Variants in ADAMTS16 observed in about 807,000 individuals in gnomAD.
ADAMTS16 encodes the protein A disintegrin and metalloproteinase with thrombospondin motifs 16.
Under a neutral mutation model 145.8 loss-of-function variants are expected in ADAMTS16, and 94 were observed. That is an observed-to-expected ratio of 0.64 (90% CI 0.55 to 0.77). The LOEUF (loss-of-function observed/expected upper bound fraction) is 0.77. ADAMTS16 is among the 30% of genes least tolerant of loss of function. ADAMTS16 has a pLI of 0.00. For missense variants in ADAMTS16, 1,585 were observed against 1,591.5 expected (o/e 1.00, Z 0.07); for synonymous variants, 659 against 604.3 (o/e 1.09, Z -1.33).
At chr5:5,247,284 G>T (rs187913105) in intron 17 of ADAMTS16, among the ~76,000 whole-genome samples, 21 of 152,212 alleles carry the variant, frequency 1.4e-4, no homozygotes, top group African/African-American at 4.6e-4. Context: ...CCTTTGAGCT[G>T]ATCTACTAAA....
intron 5 of ADAMTS16, 65 bp from the exon 6 acceptor site, chr5:5,187,660 C>T: frequency 9.4e-7 from 1 of 1,060,884 alleles, no homozygotes; most frequent in Non-Finnish European, 1.5e-6. Context: ...GGATTCTAGG[C>T]CCGCTAGTAA....
intron 9 of ADAMTS16, among the ~76,000 whole-genome samples, chr5:5,204,042 A>G (rs1736025407): frequency 6.6e-6 from 1 of 152,176 alleles, no homozygotes; most frequent in Non-Finnish European, 1.5e-5. Flanking sequence ...CTGCAGTGCC[A>G]GGGTGACTCT....
intron 20 of ADAMTS16, among the ~76,000 whole-genome samples, chr5:5,304,151 G>A (rs1739920871): frequency 6.6e-6 from 1 of 152,234 alleles, no homozygotes; most frequent in South Asian, 2.1e-4. Flanking sequence ...TGAAGAGCAG[G>A]AAGAACATGC....
At chr5:5,253,385 C>T (rs4360005) in intron 17 of ADAMTS16, among the ~76,000 whole-genome samples, 4,663 of 152,218 alleles carry the variant, frequency 0.031, 176 homozygotes, top group East Asian at 0.16. Context: ...CTTTTGTGTC[C>T]TTGATCAGCC....
intron 18 of ADAMTS16, among the ~76,000 whole-genome samples, chr5:5,277,977 G>A (rs1738766518): frequency 6.6e-6 from 1 of 151,634 alleles, no homozygotes; most frequent in Non-Finnish European, 1.5e-5. Context: ...ACAAGACTCT[G>A]TCTTAAAAAA....
intron 18 of ADAMTS16, among the ~76,000 whole-genome samples, chr5:5,293,107 C>T (rs1739397075): frequency 1.3e-5 from 2 of 152,212 alleles, no homozygotes; most frequent in African/African-American, 2.4e-5. Flanking sequence ...CATTTCCTGG[C>T]CTGGGTGCAG....
At chr5:5,160,552 T>A (rs978762149) in intron 3 of ADAMTS16, among the ~76,000 whole-genome samples, 2 of 152,116 alleles carry the variant, frequency 1.3e-5, no homozygotes, top group African/African-American at 4.8e-5. Context: ...GCCCACGTAT[T>A]TGAAATAGAC....
chr5:5,286,109 G>T (rs1247127914), intron 18 of ADAMTS16, among the ~76,000 whole-genome samples: 1 of 152,162 alleles, frequency 6.6e-6, no homozygotes, highest in African/African-American at 2.4e-5. Context: ...TGGGTTGGCT[G>T]CTTTCCCATT....
rs1396575534 is a variant in ADAMTS16, at chr5:5,210,257, T to C, written c.1605+1011T>C. ...TGGACATAAAACTAATGGGTTTTTT[T>C]CAAAGATAGGATCTTCTAGATTGTG... is the stretch of plus-strand genomic sequence containing the variant. On this transcript the variant is annotated intron_variant, in intron 10 of 22. Coordinates refer to ENST00000274181, the MANE Select transcript of ADAMTS16 (RefSeq NM_139056.4). 2.0e-5 allele frequency among the ~76,000 whole-genome samples: 3 copies of C among 152,220 alleles called. No individual in the cohort carries two copies. In the East Asian group the frequency reaches 5.8e-4, roughly 29 times the overall value.
chr5:5,247,804 G>A (rs1467469045), intron 17 of ADAMTS16, among the ~76,000 whole-genome samples: 3 of 152,262 alleles, frequency 2.0e-5, no homozygotes, highest in Non-Finnish European at 4.4e-5. Context: ...AGTGAAGCCA[G>A]CCCCTGTGAA....
At chr5:5,189,870 A>G (rs1735609958) in intron 6 of ADAMTS16, 101 bp from the exon 7 acceptor site, 1 of 1,433,506 alleles carries the variant, frequency 7.0e-7, no homozygotes, top group Non-Finnish European at 9.6e-7. Flanking sequence ...CCAGCCATGT[A>G]TTTGAAATCC....
intron 10 of ADAMTS16, among the ~76,000 whole-genome samples, chr5:5,210,929 G>T: frequency 6.6e-6 from 1 of 152,128 alleles, no homozygotes; most frequent in Non-Finnish European, 1.5e-5. Context: ...CTGCCTTCCT[G>T]GGATAACCTC....
intron 17 of ADAMTS16, among the ~76,000 whole-genome samples, chr5:5,258,945 A>C (rs1048161144): frequency 1.1e-4 from 16 of 152,180 alleles, no homozygotes; most frequent in Non-Finnish European, 2.2e-4. Flanking sequence ...GTTGGAAAAC[A>C]GAAGCTGATC....
intron 17 of ADAMTS16, among the ~76,000 whole-genome samples, chr5:5,247,349 T>TC (rs1315652162): frequency 6.6e-6 from 1 of 151,224 alleles, no homozygotes; most frequent in Admixed American, 6.6e-5. Flanking sequence ...CAAAATATAT[T>TC]ACCCCCCCGC....
At chr5:5,292,104 C>G (rs1739346973) in intron 18 of ADAMTS16, among the ~76,000 whole-genome samples, 1 of 152,216 alleles carries the variant, frequency 6.6e-6, no homozygotes, top group Admixed American at 6.5e-5. Flanking sequence ...ACCAGCCTCT[C>G]ACTCTTGCAG....
intron 10 of ADAMTS16, among the ~76,000 whole-genome samples, chr5:5,216,875 C>T (rs1469584601): frequency 7.3e-5 from 11 of 149,942 alleles, no homozygotes; most frequent in South Asian, 4.3e-4. Context: ...TTTGTTCTTG[C>T]GATAGTTTAC....
chr5:5,191,916 T>C, intron 8 of ADAMTS16, 126 bp downstream of exon 8: 1 of 667,784 alleles, frequency 1.5e-6, no homozygotes, highest in South Asian at 1.8e-5. Flanking sequence ...GAGAATGCCA[T>C]TGACAGTTAT....
At chr5:5,312,278 C>T (rs1414006961) in intron 21 of ADAMTS16, among the ~76,000 whole-genome samples, 1 of 152,066 alleles carries the variant, frequency 6.6e-6, no homozygotes, top group East Asian at 1.9e-4. Context: ...AAAAGTATTC[C>T]AGTTAGAAAT....
chr5:5,254,285 A>C (rs986175671), intron 17 of ADAMTS16, among the ~76,000 whole-genome samples: 1 of 152,188 alleles, frequency 6.6e-6, no homozygotes, highest in Non-Finnish European at 1.5e-5. Context: ...TCCTAGATAC[A>C]TAATCATACC....
Sources: gnomAD v4.1 joint callset for allele counts (sites outside exome capture counted in the v4.1 genomes callset) on GRCh38, gnomAD v4.1.1 for gene constraint, MANE v1.5 for transcripts, NCBI Gene and HGNC (gene_info 2026-07-23, HGNC 2026-07-21) for gene names.